The following CHD7 variants were observed in gnomAD, a reference collection of about 807,000 sequenced individuals.
The protein encoded by CHD7 is chromodomain helicase DNA binding protein 7, also known as ATP-dependent chromatin remodeler CHD7.
In CHD7, 24 loss-of-function variants were observed where a neutral mutation model predicts 307.3. The ratio of observed to expected loss-of-function variants is 0.08; its 90% confidence interval spans 0.06 to 0.11. CHD7 has a LOEUF of 0.11. Ranked by LOEUF, CHD7 falls within the 10% of genes least tolerant of loss-of-function variation. The pLI, the probability that CHD7 is intolerant of heterozygous loss-of-function variation, is 1.00. For missense variants in CHD7, 3,106 were observed against 3,727.1 expected, an observed-to-expected ratio of 0.83 and a Z score of 4.34; for synonymous variants, 1,363 against 1,349.9, an observed-to-expected ratio of 1.01 and a Z score of -0.21.
chr8:60,852,397 A>C, intron 29 of CHD7, 101 bp from the exon 30 acceptor site: 1 of 1,326,080 alleles, frequency 7.5e-7, no homozygotes, highest in Non-Finnish European at 1.0e-6. Flanking sequence ...CCACCCCCAA[A>C]TAACTACCAT....
intron 1 of CHD7, among the ~76,000 whole-genome samples, chr8:60,720,357 TC>T (rs770839852): frequency 6.6e-6 from 1 of 152,234 alleles, no homozygotes; most frequent in Non-Finnish European, 1.5e-5. Context: ...TGGTAAATGT[TC>T]CTGGATTGGC....
intron 2 of CHD7, among the ~76,000 whole-genome samples, chr8:60,778,939 T>G (rs1811076122): frequency 1.3e-5 from 2 of 152,216 alleles, no homozygotes; most frequent in Admixed American, 1.3e-4. Flanking sequence ...AGGGTAACTT[T>G]GGCAGTGTTT....
intron 8 of CHD7, among the ~76,000 whole-genome samples, chr8:60,816,729 G>A (rs1253485238): frequency 3.3e-5 from 5 of 152,144 alleles, no homozygotes; most frequent in South Asian, 2.1e-4. Flanking sequence ...TGGAAATAGC[G>A]GTGATGGTAT....
At chr8:60,784,505 C>A (rs1189221186) in intron 3 of CHD7, among the ~76,000 whole-genome samples, 1 of 152,128 alleles carries the variant, frequency 6.6e-6, no homozygotes, top group Non-Finnish European at 1.5e-5. Flanking sequence ...CCCGAGGGTG[C>A]TCTAGCTTTC....
intron 1 of CHD7, among the ~76,000 whole-genome samples, chr8:60,733,931 C>T (rs1808580883): frequency 1.3e-5 from 2 of 152,098 alleles, no homozygotes; most frequent in Non-Finnish European, 2.9e-5. Flanking sequence ...TTGACTTGCA[C>T]AAATGATTGG....
rs567669719 is a variant in CHD7 at position 60,859,676 on chromosome 8, T to G, written c.7609-1228T>G. Among the ~76,000 whole-genome samples the G allele has an allele frequency of 2.0e-5, 3 of 152,280 alleles. No individual in the cohort carries two copies. In the East Asian group the frequency reaches 5.8e-4, roughly 29 times the overall value. On this transcript the variant is annotated intron_variant, in intron 34 of 37. Transcript: ENST00000423902. The stretch of plus-strand genomic sequence containing the variant: ...GTAGTAGTTGGTCATTTTAAAAGGG[T>G]TGGCAGAGAACATGTGTAAGAGGAG...
In CHD7 at chr8:60,797,872, A is replaced by C. The variant is rs1395502348; in HGVS notation, c.2239-2516A>C. Among the ~76,000 whole-genome samples the C allele has an allele frequency of 2.0e-5, 3 of 152,220 alleles. No homozygotes were observed. In the East Asian group the frequency reaches 5.8e-4, roughly 29 times the overall value. On this transcript the variant is annotated intron_variant, in intron 4 of 37. Coordinates refer to ENST00000423902, the MANE Select transcript of CHD7 (RefSeq NM_017780.4). Reference sequence around the variant, plus strand: ...TTTGGAAAGAAAAGGGAAGCTGTACAAGGTAACTGGGCCATTTTTCTTTGG... The same window carrying C: ...TTTGGAAAGAAAAGGGAAGCTGTACCAGGTAACTGGGCCATTTTTCTTTGG...
At chr8:60,791,474 C>T (rs1471080793) in intron 3 of CHD7, among the ~76,000 whole-genome samples, 2 of 152,312 alleles carry the variant, frequency 1.3e-5, no homozygotes, top group East Asian at 3.9e-4. Context: ...AATGTTACTT[C>T]TTAAAGACAT....
intron 4 of CHD7, among the ~76,000 whole-genome samples, chr8:60,800,141 C>T (rs925863300): frequency 4.6e-5 from 7 of 152,062 alleles, no homozygotes; most frequent in African/African-American, 1.7e-4. Context: ...CGCCATTCTC[C>T]TGCCTCAGCC....
At chr8:60,746,818 A>G (rs1472434022) in intron 2 of CHD7, among the ~76,000 whole-genome samples, 1 of 152,234 alleles carries the variant, frequency 6.6e-6, no homozygotes, top group South Asian at 2.1e-4. Flanking sequence ...ACATTTTGGT[A>G]TATGGACATT....
At chr8:60,706,527 C>T (rs150181758) in intron 1 of CHD7, among the ~76,000 whole-genome samples, 47 of 152,126 alleles carry the variant, frequency 3.1e-4, no homozygotes, top group Non-Finnish European at 5.6e-4. Context: ...TATATAATTA[C>T]GTATTATGAA....
chr8:60,760,026 T>C (rs974483016), intron 2 of CHD7, among the ~76,000 whole-genome samples: 1 of 152,186 alleles, frequency 6.6e-6, no homozygotes, highest in African/African-American at 2.4e-5. Flanking sequence ...GATTGCTGTG[T>C]AGTAATGTTG....
intron 1 of CHD7, among the ~76,000 whole-genome samples, chr8:60,699,609 C>G (rs1329472585): frequency 6.6e-6 from 1 of 151,918 alleles, no homozygotes; most frequent in Admixed American, 6.6e-5. Context: ...TGTAGCTCCT[C>G]TATTTCCTTC....
At chr8:60,857,994 G>A (rs1221452145) in intron 34 of CHD7, among the ~76,000 whole-genome samples, 1 of 152,224 alleles carries the variant, frequency 6.6e-6, no homozygotes, top group Non-Finnish European at 1.5e-5. Flanking sequence ...GGTGGCTCAC[G>A]CCTGTAATCC....
chr8:60,766,335 T>C (rs1226123264), intron 2 of CHD7, among the ~76,000 whole-genome samples: 1 of 152,198 alleles, frequency 6.6e-6, no homozygotes, highest in African/African-American at 2.4e-5. Flanking sequence ...CAGAGGTCCA[T>C]ATGATTGAGG....
At chr8:60,745,110 G>C (rs539307232) in intron 2 of CHD7, among the ~76,000 whole-genome samples, 5 of 151,974 alleles carry the variant, frequency 3.3e-5, no homozygotes, top group African/African-American at 1.2e-4. Flanking sequence ...TCTCCTCAAA[G>C]CGGACCAAAA....
At position 60,798,356 on chromosome 8, in the gene CHD7, C is replaced by T. The variant is rs559164218; in HGVS notation, c.2239-2032C>T. On this transcript the variant is annotated intron_variant, in intron 4 of 37. Coordinates refer to ENST00000423902, the MANE Select transcript of CHD7 (RefSeq NM_017780.4). ...TAATAAACTTTTTCTAGAATGGTCT[C>T]ACATCAGAAAAGTACTTTGCACCTC... Among the ~76,000 whole-genome samples, 6 of 152,334 alleles carry T rather than the reference C, an allele frequency of 3.9e-5. No homozygotes were observed. The South Asian group carries it at 1.2e-3, about 32-fold the overall frequency.
At chr8:60,687,533 T>C (rs982532556) in intron 1 of CHD7, among the ~76,000 whole-genome samples, 1 of 152,230 alleles carries the variant, frequency 6.6e-6, no homozygotes, top group African/African-American at 2.4e-5. Context: ...ATCATACATA[T>C]TCATCTTGAG....
chr8:60,784,128 T>C (rs188023124), intron 3 of CHD7, among the ~76,000 whole-genome samples: 24 of 152,276 alleles, frequency 1.6e-4, no homozygotes, highest in Middle Eastern at 3.4e-3. Flanking sequence ...AATAGCATAG[T>C]AGAATAATTA....
Sources: gnomAD v4.1 joint callset for allele counts (sites outside exome capture counted in the v4.1 genomes callset) on GRCh38, gnomAD v4.1.1 for gene constraint, MANE v1.5 for transcripts, NCBI Gene and HGNC (gene_info 2026-07-23, HGNC 2026-07-21) for gene names.